Variants in ECM2 observed in about 807,000 individuals in gnomAD.
ECM2 encodes the protein extracellular matrix protein 2, female organ and adipocyte specific.
ECM2 carries 57 observed loss-of-function variants against 67.5 expected under a neutral mutation model. The observed-to-expected ratio is 0.84, with a 90% CI of 0.68 to 1.05. ECM2 has a LOEUF of 1.05. ECM2 is among the 50% of genes least tolerant of loss of function. The pLI, the probability that ECM2 is intolerant of heterozygous loss-of-function variation, is 0.00. For synonymous variants in ECM2, 258 were observed against 294.5 expected, an observed-to-expected ratio of 0.88 and a Z score of 1.27; for missense variants, 741 against 822.8, an observed-to-expected ratio of 0.90 and a Z score of 1.22.
Position 92,496,815 on chromosome 9 carries a change from CTT to C in ECM2, c.1932-334_1932-333del, listed in dbSNP as rs199834335. Among the ~76,000 whole-genome samples the C allele has an allele frequency of 7.1e-3, 1,084 of 152,188 alleles. 11 individuals are homozygous for C. Among genetic ancestry groups the C allele is most frequent in the African/African-American group, 0.022 (913 of 41,540 alleles). On this transcript the variant is annotated intron_variant, in intron 9 of 9. Transcript: ENST00000344604. ...AACATGACAAAGAAGGAGAAAGTAACTTATATCGCAGATACAAAGGCTTCCTA... is the reference window on the plus strand; with the variant it reads ...AACATGACAAAGAAGGAGAAAGTAACATATCGCAGATACAAAGGCTTCCTA...
At chr9:92,507,080 GGA>G in intron 6 of ECM2, among the ~76,000 whole-genome samples, 1 of 152,094 alleles carries the variant, frequency 6.6e-6, no homozygotes, top group East Asian at 1.9e-4. Context: ...GCTAATTCTG[GGA>G]GGGCCTTTGC....
chr9:92,541,942 C>T, the ECM2 span, among the ~76,000 whole-genome samples: 57 of 152,186 alleles, frequency 3.7e-4, 1 homozygote, highest in African/African-American at 1.3e-3. Context: ...TACAAGCATC[C>T]GCCGCCGCAC....
At chr9:92,549,954 C>G in the ECM2 span, among the ~76,000 whole-genome samples, 1 of 152,174 alleles carries the variant, frequency 6.6e-6, no homozygotes, top group African/African-American at 2.4e-5. Flanking sequence ...ATAGTTCCAC[C>G]AAGCCACTAG....
At chr9:92,541,486 G>A (rs961216201), upstream of ECM2, among the ~76,000 whole-genome samples, 3 of 128,020 alleles carry the variant, frequency 2.3e-5, no homozygotes, top group South Asian at 2.7e-4. Flanking sequence ...TCAGCCTCCC[G>A]AGTAGCTGGG....
At position 92,514,821 on chromosome 9, in the gene ECM2, GTCC is replaced by G. The variant is rs769303137; in HGVS notation, c.861_863del (p.Glu287del). On this transcript the variant is annotated inframe_deletion, in exon 4 of 10. Transcript: ENST00000344604. ...TATCTCCTCTTACCGGGTCCTCCTC[GTCC>G]TCCTCATCCTCCTCACCCTCCTCAC... The G allele has an allele frequency of 5.6e-6, 9 of 1,612,572 alleles. No homozygotes were observed. Among genetic ancestry groups the G allele is most frequent in the Admixed American group, 1.7e-5 (1 of 59,904 alleles).
At chr9:92,512,176 GTA>G in intron 4 of ECM2, 50 bp from the exon 5 acceptor site, 2 of 1,255,758 alleles carry the variant, frequency 1.6e-6, no homozygotes, top group Non-Finnish European at 2.3e-6. Flanking sequence ...ATACATACAT[GTA>G]CACACATGTA....
At chr9:92,519,311 A>G (rs1180088262) in intron 2 of ECM2, among the ~76,000 whole-genome samples, 1 of 152,256 alleles carries the variant, frequency 6.6e-6, no homozygotes, top group Non-Finnish European at 1.5e-5. Flanking sequence ...GAAATGGAAA[A>G]GCTGATCCTT....
Position 92,515,226 on chromosome 9 carries a change from G to T in ECM2, c.482-23C>A, listed in dbSNP as rs374607796. On this transcript the variant is annotated intron_variant, in intron 3 of 9. Coordinates refer to ENST00000344604, the MANE Select transcript of ECM2 (RefSeq NM_001393.4). Reference sequence around the variant, plus strand: ...AGACTAATGACCACGCAAGGATGAGGTAGCAGAGATAAGTTGATGATATTA... The same window carrying T: ...AGACTAATGACCACGCAAGGATGAGTTAGCAGAGATAAGTTGATGATATTA... 3.0e-3 allele frequency: 4,540 copies of T among 1,501,114 alleles called. 11 individuals are homozygous for T. Among genetic ancestry groups the T allele is most frequent in the Non-Finnish European group, 3.7e-3 (4,153 of 1,128,448 alleles). 93.0% of individuals were successfully genotyped at this position (1,501,114 alleles called of 1,614,324 possible).
chr9:92,546,432 C>T, the ECM2 span, among the ~76,000 whole-genome samples: 1 of 152,204 alleles, frequency 6.6e-6, no homozygotes, highest in South Asian at 2.1e-4. Context: ...AGCTGTAACA[C>T]TCATGGGGGA....
At chr9:92,545,768 T>C in the ECM2 span, among the ~76,000 whole-genome samples, 3,138 of 152,316 alleles carry the variant, frequency 0.021, 114 homozygotes, top group African/African-American at 0.071. Flanking sequence ...AGCTAAGGGA[T>C]TGTAGATATA....
At chr9:92,506,097 T>C (rs1245263439) in intron 6 of ECM2, among the ~76,000 whole-genome samples, 3 of 152,174 alleles carry the variant, frequency 2.0e-5, no homozygotes, top group Admixed American at 6.5e-5. Flanking sequence ...ATTGGAAACA[T>C]TGCAAAGACA....
intron 2 of ECM2, among the ~76,000 whole-genome samples, chr9:92,521,969 A>G (rs1013023927): frequency 1.3e-5 from 2 of 152,270 alleles, no homozygotes; most frequent in Non-Finnish European, 2.9e-5. Flanking sequence ...AGAAACCAAA[A>G]TGATAACTAT....
At chr9:92,499,574 G>C (rs1346406746) in intron 9 of ECM2, among the ~76,000 whole-genome samples, 2 of 152,282 alleles carry the variant, frequency 1.3e-5, no homozygotes, top group Non-Finnish European at 2.9e-5. Flanking sequence ...AATCAAAAAA[G>C]GTGGGACAAA....
At chr9:92,547,070 ATATAT>A in the ECM2 span, among the ~76,000 whole-genome samples, 1 of 152,160 alleles carries the variant, frequency 6.6e-6, no homozygotes, top group Non-Finnish European at 1.5e-5. Context: ...TATATAAATA[ATATAT>A]TATGATTATA....
At chr9:92,526,677 A>G (rs911146692) in intron 1 of ECM2, among the ~76,000 whole-genome samples, 5 of 152,002 alleles carry the variant, frequency 3.3e-5, no homozygotes, top group Non-Finnish European at 7.4e-5. Flanking sequence ...CAAAGAAAAA[A>G]AAGAGGAATG....
chr9:92,514,383 T>A (rs1382341779), intron 4 of ECM2, among the ~76,000 whole-genome samples: 2 of 151,396 alleles, frequency 1.3e-5, no homozygotes, highest in Non-Finnish European at 2.9e-5. Flanking sequence ...CAAACGATTC[T>A]CCTGCCTCGG....
At position 92,526,348 on chromosome 9, in the gene ECM2, T is replaced by G. The variant is rs557031660; in HGVS notation, c.-27-3455A>C. ...TGTATTTGTGTTTTAAGCCAAGTGT[T>G]ATTAAGAAGGAATTTTTTTAAATTC... On this transcript the variant is annotated intron_variant, in intron 1 of 9. Coordinates refer to ENST00000344604, the MANE Select transcript of ECM2 (RefSeq NM_001393.4). Among the ~76,000 whole-genome samples the G allele has an allele frequency of 3.3e-5, 5 of 152,332 alleles. No individual in the cohort carries two copies. In the East Asian group the frequency reaches 9.6e-4, roughly 29 times the overall value.
intron 1 of ECM2, among the ~76,000 whole-genome samples, chr9:92,524,608 T>C (rs1323638878): frequency 1.3e-5 from 2 of 152,160 alleles, no homozygotes; most frequent in Non-Finnish European, 2.9e-5. Context: ...CCCTTGCAGC[T>C]TTCCTCCTGC....
chr9:92,522,723 T>A lies in ECM2; in HGVS notation c.144A>T (p.Arg48Ser), dbSNP rs766786749. The change falls in exon 2 of 10, where the codon AGA becomes AGT. Residue 48 changes from arginine (R) to serine (S), a missense_variant. Arg to Ser is a moderately radical substitution (Grantham distance 110, BLOSUM62 -1). Transcript: ENST00000344604. Reference protein sequence around the residue: ...LRKSSTSHKHRSNRQLGIQQT... With the variant: ...LRKSSTSHKHSSNRQLGIQQT... ...GCTGAATTCCAAGCTGTCTGTTTGA[T>A]CTGTGCTTGTGTGAGGTTGAACTTT... 13 of 1,614,184 alleles carry A rather than the reference T, an allele frequency of 8.1e-6. No individual in the cohort carries two copies. The Admixed American group carries it at 2.0e-4, about 25-fold the overall frequency.
Sources: gnomAD v4.1 joint callset for allele counts (sites outside exome capture counted in the v4.1 genomes callset) on GRCh38, gnomAD v4.1.1 for gene constraint, MANE v1.5 for transcripts, NCBI Gene and HGNC (gene_info 2026-07-23, HGNC 2026-07-21) for gene names.